The following SCN11A variants were observed in gnomAD, a reference collection of about 807,000 sequenced individuals.
SCN11A encodes the protein sodium voltage-gated channel alpha subunit 11, also known as sodium channel protein type 11 subunit alpha.
Under a neutral mutation model 162.2 loss-of-function variants are expected in SCN11A, and 122 were observed. The ratio of observed to expected loss-of-function variants is 0.75; its 90% CI spans 0.65 to 0.87. The LOEUF (loss-of-function observed/expected upper bound fraction) is 0.87, where lower values mean the gene tolerates loss of function less well. Ranked by LOEUF, SCN11A falls within the 40% of genes least tolerant of loss-of-function variation. The probability of loss-of-function intolerance (pLI) is 0.00; values close to 1 mark genes in which losing one functional copy is unlikely to be tolerated. For synonymous variants in SCN11A, 758 were observed against 751.5 expected (o/e 1.01, Z -0.14); for missense variants, 2,015 against 2,181.6 (o/e 0.92, Z 1.52).
intron 2 of SCN11A, among the ~76,000 whole-genome samples, chr3:39,028,511 T>C (rs761863032): frequency 1.3e-5 from 2 of 152,238 alleles, no homozygotes; most frequent in African/African-American, 2.4e-5. Flanking sequence ...TAAACACTCA[T>C]GCCATACCAT....
At chr3:38,848,206 T>C (rs1345764244) in intron 29 of SCN11A, among the ~76,000 whole-genome samples, 1 of 152,218 alleles carries the variant, frequency 6.6e-6, no homozygotes, top group Non-Finnish European at 1.5e-5. Context: ...CCCATAAATG[T>C]CATTTCAGAG....
intron 28 of SCN11A, among the ~76,000 whole-genome samples, chr3:38,858,573 A>G (rs1333618156): frequency 6.6e-6 from 1 of 152,196 alleles, no homozygotes; most frequent in Non-Finnish European, 1.5e-5. Flanking sequence ...GGGAGACTTC[A>G]GTATTCCACT....
chr3:39,051,854 C>A lies in SCN11A; in HGVS notation c.-404+7G>T. On this transcript the variant is annotated splice_region_variant and intron_variant, in intron 1 of 29. Coordinates refer to ENST00000302328, the MANE Select transcript of SCN11A (RefSeq NM_001349253.2). The stretch of plus-strand genomic sequence containing the variant: ...TGCACAGTGGTTTTGTTTTTAGGTG[C>A]ATCTACCTCATCACATGGCTACCGG... 1 of 710,478 alleles carries A rather than the reference C, an allele frequency of 1.4e-6. No individual in the cohort carries two copies. The highest frequency in any genetic ancestry group is 2.4e-6 in the Non-Finnish European group (1 of 415,674). The allele number at this position is 710,478 out of a possible 1,614,324, so 44.0% of individuals were successfully genotyped here.
intron 2 of SCN11A, among the ~76,000 whole-genome samples, chr3:38,968,585 C>T (rs530253992): frequency 6.6e-6 from 1 of 152,308 alleles, no homozygotes; most frequent in Non-Finnish European, 1.5e-5. Context: ...CTCCCCCCAA[C>T]ACACATGTGC....
intron 7 of SCN11A, among the ~76,000 whole-genome samples, chr3:38,942,858 A>G (rs571032835): frequency 2.6e-4 from 40 of 152,212 alleles, no homozygotes; most frequent in Non-Finnish European, 4.9e-4. Flanking sequence ...TGAAACTTTC[A>G]TATATTGCTG....
chr3:38,999,098 C>T (rs920640538), intron 2 of SCN11A, among the ~76,000 whole-genome samples: 15 of 151,968 alleles, frequency 9.9e-5, no homozygotes, highest in African/African-American at 3.1e-4. Flanking sequence ...ATAATTATTC[C>T]TGGGAAAAGT....
At chr3:39,030,728 A>C (rs1165993677) in intron 2 of SCN11A, among the ~76,000 whole-genome samples, 6 of 151,870 alleles carry the variant, frequency 4.0e-5, no homozygotes, top group Non-Finnish European at 8.8e-5. Flanking sequence ...AAATCCTACC[A>C]CACACACACA....
chr3:38,982,529 G>T (rs1354187724), intron 2 of SCN11A, among the ~76,000 whole-genome samples: 1 of 152,178 alleles, frequency 6.6e-6, no homozygotes, highest in African/African-American at 2.4e-5. Flanking sequence ...AGGGTGGGGA[G>T]CTGCTTCAGA....
intron 27 of SCN11A, among the ~76,000 whole-genome samples, chr3:38,865,609 A>AT (rs752892562): frequency 5.7e-5 from 8 of 140,428 alleles, no homozygotes; most frequent in East Asian, 4.2e-4. Context: ...CATAAGTACA[A>AT]TTAAAAAAAA....
At chr3:38,947,759 C>T (rs905850835) in intron 5 of SCN11A, among the ~76,000 whole-genome samples, 1 of 152,246 alleles carries the variant, frequency 6.6e-6, no homozygotes, top group African/African-American at 2.4e-5. Context: ...CTAACATCCA[C>T]CTCCAGACCT....
intron 23 of SCN11A, among the ~76,000 whole-genome samples, chr3:38,877,047 ATATACTATATATATGGTATATATAT>A (rs2065221401): frequency 2.6e-5 from 1 of 38,810 alleles, no homozygotes; most frequent in Non-Finnish European, 6.6e-5. Flanking sequence ...TATATGGTGT[ATATACTATATATATGGTATATATAT>A]GGTGTATATA....
At chr3:38,895,032 G>A in intron 18 of SCN11A, 68 bp from the exon 19 acceptor site, 3 of 1,428,016 alleles carry the variant, frequency 2.1e-6, no homozygotes, top group Non-Finnish European at 2.8e-6. Context: ...TGGGTTTCCA[G>A]GACAACTTTT....
intron 7 of SCN11A, among the ~76,000 whole-genome samples, chr3:38,936,444 A>G (rs1420772359): frequency 1.3e-5 from 2 of 150,898 alleles, no homozygotes; most frequent in Non-Finnish European, 2.9e-5. Context: ...CTGTTTGCAG[A>G]TGACATGATT....
chr3:38,927,309 C>T (rs1000353548), intron 7 of SCN11A, among the ~76,000 whole-genome samples: 3 of 152,098 alleles, frequency 2.0e-5, no homozygotes, highest in Admixed American at 2.0e-4. Flanking sequence ...GAGTAAATGA[C>T]AAGCAAATAG....
At chr3:38,905,995 C>T (rs6776531) in intron 14 of SCN11A, among the ~76,000 whole-genome samples, 133,261 of 152,236 alleles carry the variant, frequency 0.88, 58,427 homozygotes, top group South Asian at 0.92. Context: ...CCAAGGGTTC[C>T]GACTCACCAG....
At chr3:38,895,000 T>G in intron 18 of SCN11A, 36 bp from the exon 19 acceptor site, 1 of 1,543,998 alleles carries the variant, frequency 6.5e-7, no homozygotes, top group South Asian at 1.3e-5. Flanking sequence ...GAAAGGAAAG[T>G]TTAGCAAAGG....
intron 2 of SCN11A, among the ~76,000 whole-genome samples, chr3:39,031,321 T>C (rs1051420792): frequency 2.6e-5 from 4 of 152,062 alleles, no homozygotes. Context: ...AGGTCAGAAG[T>C]TGGAGACCAG....
chr3:38,878,295 C>T (rs200097133), intron 23 of SCN11A, among the ~76,000 whole-genome samples: 1 of 151,952 alleles, frequency 6.6e-6, no homozygotes, highest in East Asian at 1.9e-4. Context: ...GAAACTATCA[C>T]TAGCTTTCTA....
intron 18 of SCN11A, among the ~76,000 whole-genome samples, 199 bp downstream of exon 18, chr3:38,896,646 T>C (rs940507876): frequency 1.3e-5 from 2 of 152,170 alleles, no homozygotes; most frequent in Non-Finnish European, 2.9e-5. Flanking sequence ...ATCAGTCAAA[T>C]GAGTAATATG....
Sources: allele counts gnomAD v4.1 joint callset (sites outside exome capture counted in the v4.1 genomes callset), GRCh38; gene constraint gnomAD v4.1.1; transcripts MANE v1.5; gene names NCBI Gene and HGNC (gene_info 2026-07-23, HGNC 2026-07-21).